NFIA: variants seen among roughly 807,000 people sequenced by gnomAD.
NFIA encodes the protein nuclear factor I A.
NFIA carries 8 observed loss-of-function variants against 62.8 expected under a neutral mutation model. The observed-to-expected ratio is 0.13, with a 90% confidence interval of 0.07 to 0.23. The LOEUF is 0.23. Among genes scored for constraint, NFIA ranks in the 10% least tolerant of loss-of-function variants. The pLI, the probability that NFIA is intolerant of heterozygous loss-of-function variation, is 1.00. For synonymous variants in NFIA, 235 were observed against 238.1 expected (o/e 0.99, Z 0.12); for missense variants, 410 against 642.1 (o/e 0.64, Z 3.91).
At chr1:61,290,437 C>G (rs916178877) in intron 3 of NFIA, among the ~76,000 whole-genome samples, 2 of 152,104 alleles carry the variant, frequency 1.3e-5, no homozygotes, top group African/African-American at 2.4e-5. Flanking sequence ...TTGGTTAATT[C>G]TCCATTTCAA....
At chr1:61,228,158 T>C (rs1654448451) in intron 2 of NFIA, among the ~76,000 whole-genome samples, 2 of 152,214 alleles carry the variant, frequency 1.3e-5, no homozygotes, top group African/African-American at 4.8e-5. Context: ...TTAAACCTAT[T>C]ATAATGTTCT....
chr1:61,401,839 TGCC>T lies in NFIA; in HGVS notation c.1076-2264_1076-2262del, dbSNP rs1378033705. 3.9e-5 allele frequency among the ~76,000 whole-genome samples: 6 copies of T among 152,302 alleles called. No individual in the cohort carries two copies. In the East Asian group the frequency reaches 1.2e-3, roughly 29 times the overall value. ...CGCAGGGTACCGAGTACAAGTTTTT[TGCC>T]ACCAGCAAGGAGGACTGTACCATGT... On this transcript the variant is annotated intron_variant, in intron 7 of 10. Transcript: ENST00000403491.
At chr1:61,221,621 A>G (rs1483256446) in intron 2 of NFIA, among the ~76,000 whole-genome samples, 1 of 152,170 alleles carries the variant, frequency 6.6e-6, no homozygotes, top group African/African-American at 2.4e-5. Context: ...GTGGATTTTA[A>G]AAATTGGCAT....
intron 2 of NFIA, among the ~76,000 whole-genome samples, chr1:61,102,939 T>C (rs1293085543): frequency 6.6e-6 from 1 of 152,196 alleles, no homozygotes; most frequent in African/African-American, 2.4e-5. Context: ...GTTTCAAGAC[T>C]TAGGAAACTT....
At chr1:61,302,527 G>A (rs1333510687) in intron 3 of NFIA, among the ~76,000 whole-genome samples, 1 of 152,102 alleles carries the variant, frequency 6.6e-6, no homozygotes, top group African/African-American at 2.4e-5. Flanking sequence ...GAGAAAACAT[G>A]TGGTGTGTGT....
At chr1:61,254,842 T>C (rs1656274820) in intron 2 of NFIA, among the ~76,000 whole-genome samples, 2 of 152,200 alleles carry the variant, frequency 1.3e-5, no homozygotes, top group African/African-American at 4.8e-5. Context: ...TTAGTGTTGA[T>C]TTAAAAGACA....
At chr1:61,172,442 C>A (rs1650032247) in intron 2 of NFIA, among the ~76,000 whole-genome samples, 1 of 152,312 alleles carries the variant, frequency 6.6e-6, no homozygotes, top group South Asian at 2.1e-4. Flanking sequence ...CCTGTTGATG[C>A]ATAACAGAGT....
intron 3 of NFIA, among the ~76,000 whole-genome samples, chr1:61,300,502 A>G (rs1240857108): frequency 6.6e-6 from 1 of 152,234 alleles, no homozygotes; most frequent in East Asian, 1.9e-4. Flanking sequence ...ATTTCTATAT[A>G]TTCTTCGATA....
chr1:61,455,041 A>G (rs952086923), intron 10 of NFIA, among the ~76,000 whole-genome samples: 1 of 152,226 alleles, frequency 6.6e-6, no homozygotes, highest in Non-Finnish European at 1.5e-5. Flanking sequence ...TTGTATTTCA[A>G]GTGAACAGAA....
intron 2 of NFIA, among the ~76,000 whole-genome samples, chr1:61,232,677 TAA>T (rs941686839): frequency 2.0e-5 from 3 of 152,198 alleles, no homozygotes; most frequent in African/African-American, 7.2e-5. Flanking sequence ...GAGATTTTTT[TAA>T]AAAACACTTG....
chr1:61,107,472 C>T (rs1221101400), intron 2 of NFIA, among the ~76,000 whole-genome samples: 1 of 151,598 alleles, frequency 6.6e-6, no homozygotes, highest in Admixed American at 6.6e-5. Context: ...AGCCACTTTA[C>T]TGTGGAATAA....
In NFIA at chr1:61,205,171, AG is replaced by A. The variant is rs199566215; in HGVS notation, c.560-72347del. ...ACAAAGAAGTGGATCAGTTTATCGA[AG>A]GCCATACTGCTAGGATATTTTATAG... On this transcript the variant is annotated intron_variant, in intron 2 of 10. Transcript: ENST00000403491. Among the ~76,000 whole-genome samples the A allele has an allele frequency of 7.9e-5, 12 of 152,338 alleles. No individual in the cohort carries two copies. In the East Asian group the frequency reaches 2.3e-3, roughly 29 times the overall value.
At chr1:61,448,739 C>T (rs1191851955) in intron 10 of NFIA, among the ~76,000 whole-genome samples, 1 of 152,126 alleles carries the variant, frequency 6.6e-6, no homozygotes. Context: ...ATGCGGTGGG[C>T]CGGAGTGCAG....
At chr1:61,371,029 T>A (rs1011846593) in intron 6 of NFIA, among the ~76,000 whole-genome samples, 1 of 152,124 alleles carries the variant, frequency 6.6e-6, no homozygotes, top group Admixed American at 6.6e-5. Flanking sequence ...CCAAGATTAG[T>A]GAATTCTAGG....
Position 61,112,503 on chromosome 1 carries a change from A to G in NFIA, c.559+23823A>G, listed in dbSNP as rs150979135. The stretch of plus-strand genomic sequence containing the variant: ...TGCTCCTGTCATTTATTGATGGTCA[A>G]AGGTTTCTTTTGGCTATTGCTGGAC... On this transcript the variant is annotated intron_variant, in intron 2 of 10. Coordinates refer to ENST00000403491, the MANE Select transcript of NFIA (RefSeq NM_001134673.4). Among the ~76,000 whole-genome samples the G allele has an allele frequency of 5.9e-5, 9 of 152,242 alleles. No individual in the cohort carries two copies. The East Asian group carries it at 1.7e-3, about 29-fold the overall frequency.
intron 2 of NFIA, among the ~76,000 whole-genome samples, chr1:61,147,560 T>C (rs1648101004): frequency 6.6e-6 from 1 of 152,258 alleles, no homozygotes; most frequent in African/African-American, 2.4e-5. Flanking sequence ...GAGACATTTT[T>C]ATTTAAAAAT....
chr1:61,271,312 C>T (rs1459190506), intron 2 of NFIA, among the ~76,000 whole-genome samples: 1 of 152,190 alleles, frequency 6.6e-6, no homozygotes, highest in Non-Finnish European at 1.5e-5. Flanking sequence ...CACTCTTCAA[C>T]TTAAACAGTC....
intron 2 of NFIA, among the ~76,000 whole-genome samples, chr1:61,146,580 C>T (rs576243783): frequency 1.3e-5 from 2 of 152,306 alleles, no homozygotes; most frequent in African/African-American, 4.8e-5. Context: ...AACCCCTCCT[C>T]CAAGGAGCCT....
chr1:61,185,031 C>G (rs1557621523), intron 2 of NFIA, among the ~76,000 whole-genome samples: 1 of 152,180 alleles, frequency 6.6e-6, no homozygotes, highest in Admixed American at 6.5e-5. Flanking sequence ...GATTTAAACA[C>G]TTTTAAAAGG....
Sources: gnomAD v4.1 joint callset for allele counts (sites outside exome capture counted in the v4.1 genomes callset) on GRCh38, gnomAD v4.1.1 for gene constraint, MANE v1.5 for transcripts, NCBI Gene and HGNC (gene_info 2026-07-23, HGNC 2026-07-21) for gene names.